RALGAPA1: variants seen among roughly 807,000 people sequenced by gnomAD.
RALGAPA1 encodes Ral GTPase activating protein catalytic subunit alpha 1, also known as ral GTPase-activating protein subunit alpha-1.
RALGAPA1 carries 52 observed loss-of-function variants against 269.6 expected under a neutral mutation model. The observed-to-expected ratio is 0.19, with a 90% confidence interval of 0.15 to 0.24. RALGAPA1 has a LOEUF of 0.24. Ranked by LOEUF, RALGAPA1 falls within the 10% of genes least tolerant of loss-of-function variation. The pLI, the probability that RALGAPA1 is intolerant of heterozygous loss-of-function variation, is 1.00. For missense variants in RALGAPA1, 1,917 were observed against 3,013.9 expected (o/e 0.64, Z 8.52); for synonymous variants, 817 against 1,008.3 (o/e 0.81, Z 3.60).
At chr14:35,635,731 A>G in intron 31 of RALGAPA1, 133 bp from the exon 32 acceptor site, 1 of 683,388 alleles carries the variant, frequency 1.5e-6, no homozygotes, top group East Asian at 3.3e-5. Context: ...ATTAATATTT[A>G]CCCAGATCTA....
intron 33 of RALGAPA1, among the ~76,000 whole-genome samples, chr14:35,629,546 C>T (rs528490102): frequency 6.6e-6 from 1 of 152,108 alleles, no homozygotes; most frequent in Non-Finnish European, 1.5e-5. Flanking sequence ...CTCTGTCTCC[C>T]AGGCTGGAGT....
intron 26 of RALGAPA1, among the ~76,000 whole-genome samples, chr14:35,669,119 T>C (rs2064189257): frequency 6.6e-6 from 1 of 152,218 alleles, no homozygotes; most frequent in Admixed American, 6.5e-5. Flanking sequence ...ATGATATCCC[T>C]AAACAAATAA....
chr14:35,619,933 T>C (rs1264216636), intron 35 of RALGAPA1, among the ~76,000 whole-genome samples: 1 of 152,230 alleles, frequency 6.6e-6, no homozygotes, highest in African/African-American at 2.4e-5. Context: ...AGCCAAATTC[T>C]ACCAGAGGTA....
chr14:35,654,570 T>C (rs552996237), intron 29 of RALGAPA1, 93 bp from the exon 30 acceptor site: 13 of 1,393,632 alleles, frequency 9.3e-6, no homozygotes, highest in Non-Finnish European at 9.5e-6. Flanking sequence ...CATACATTTG[T>C]AGGATTATAA....
At chr14:35,647,144 A>T (rs1217464964) in intron 31 of RALGAPA1, among the ~76,000 whole-genome samples, 1 of 152,224 alleles carries the variant, frequency 6.6e-6, no homozygotes, top group East Asian at 1.9e-4. Flanking sequence ...AGGGATTAAA[A>T]AATATTTATC....
intron 4 of RALGAPA1, among the ~76,000 whole-genome samples, chr14:35,769,035 AATAT>A (rs200538547): frequency 0.12 from 6,917 of 58,224 alleles, 1,056 homozygotes; most frequent in Admixed American, 0.16. Context: ...AAAAAAAAAA[AATAT>A]ATATATATAT....
intron 31 of RALGAPA1, among the ~76,000 whole-genome samples, chr14:35,643,132 T>C (rs1437280832): frequency 6.8e-6 from 1 of 146,012 alleles, no homozygotes; most frequent in African/African-American, 2.6e-5. Flanking sequence ...AATTGAACAA[T>C]GAGAACACTT....
chr14:35,659,520 C>T (rs2140105522), intron 27 of RALGAPA1, among the ~76,000 whole-genome samples: 1 of 152,036 alleles, frequency 6.6e-6, no homozygotes, highest in South Asian at 2.1e-4. Flanking sequence ...ATGGCTTCAC[C>T]AGTGAATTCT....
chr14:35,549,298 A>G, intron 39 of RALGAPA1, 64 bp from the exon 40 acceptor site: 1 of 1,532,242 alleles, frequency 6.5e-7, no homozygotes, highest in Non-Finnish European at 8.9e-7. Flanking sequence ...ATCTTATCAA[A>G]AAGGACTGCT....
intron 31 of RALGAPA1, among the ~76,000 whole-genome samples, chr14:35,641,782 A>G (rs1000638495): frequency 1.3e-5 from 2 of 152,176 alleles, no homozygotes; most frequent in Admixed American, 1.3e-4. Flanking sequence ...AAAGACCCAA[A>G]ACAGTCAAAG....
chr14:35,790,414 G>A (rs775076968), intron 1 of RALGAPA1, among the ~76,000 whole-genome samples: 31 of 151,978 alleles, frequency 2.0e-4, no homozygotes, highest in Non-Finnish European at 4.0e-4. Flanking sequence ...CAGGCCAAGC[G>A]CGGTAGCTCA....
chr14:35,715,605 G>T, intron 16 of RALGAPA1: 2 of 374,054 alleles, frequency 5.3e-6, no homozygotes, highest in Non-Finnish European at 7.4e-6. Context: ...ACTCATATTT[G>T]GTTGATTCTA....
intron 39 of RALGAPA1, among the ~76,000 whole-genome samples, chr14:35,550,420 A>G (rs2054884879): frequency 6.6e-6 from 1 of 152,058 alleles, no homozygotes; most frequent in African/African-American, 2.4e-5. Flanking sequence ...CCACTTTAAT[A>G]TTTTCCCTCA....
At position 35,627,838 on chromosome 14, in the gene RALGAPA1, T is replaced by C; in HGVS notation, c.6109A>G (p.Ser2037Gly). ...TTGTCGTGATTTTCACACACCTGAC[T>C]TGTTAGCATAGCAGGACCACCGCTC... Reference protein sequence around the residue: ...PMSGGPAMLTSQVCENHDNHY... With the variant: ...PMSGGPAMLTGQVCENHDNHY... Residue 2037 changes from serine (S) to glycine (G), a missense_variant, in exon 34 of 42, where the codon AGT (serine) becomes GGT (glycine). Ser to Gly is a moderately conservative substitution (Grantham distance 56, BLOSUM62 0). Around this residue, in one of 11 missense-constraint regions of RALGAPA1, gnomAD observed 346 missense variants for 566.1 expected, o/e 0.61. Coordinates refer to ENST00000680220, the MANE Select transcript of RALGAPA1 (RefSeq NM_001346249.2). 1 of 1,591,954 alleles carries C rather than the reference T, an allele frequency of 6.3e-7. No homozygotes were observed. Among genetic ancestry groups the C allele is most frequent in the East Asian group, 2.2e-5 (1 of 44,784 alleles).
intron 3 of RALGAPA1, among the ~76,000 whole-genome samples, chr14:35,771,689 C>T (rs918850509): frequency 1.3e-5 from 2 of 152,022 alleles, no homozygotes; most frequent in African/African-American, 2.4e-5. Flanking sequence ...GAGACAGAGT[C>T]TTGCTATGTT....
chr14:35,806,759 T>C (rs1322752075), intron 1 of RALGAPA1, among the ~76,000 whole-genome samples: 1 of 152,198 alleles, frequency 6.6e-6, no homozygotes, highest in Non-Finnish European at 1.5e-5. Context: ...GTTTACCTTA[T>C]TTAAAGCCCG....
At chr14:35,629,869 G>T (rs1354822017) in intron 33 of RALGAPA1, among the ~76,000 whole-genome samples, 1 of 151,948 alleles carries the variant, frequency 6.6e-6, no homozygotes, top group Non-Finnish European at 1.5e-5. Flanking sequence ...ATGACTTTTG[G>T]TAATTATATA....
intron 16 of RALGAPA1, among the ~76,000 whole-genome samples, chr14:35,700,512 T>A (rs144908220): frequency 2.0e-5 from 3 of 152,298 alleles, no homozygotes; most frequent in African/African-American, 4.8e-5. Flanking sequence ...ATAATTTTTT[T>A]ATATAAAGCA....
At chr14:35,782,314 A>G (rs2075489146) in intron 1 of RALGAPA1, among the ~76,000 whole-genome samples, 1 of 152,278 alleles carries the variant, frequency 6.6e-6, no homozygotes, top group Non-Finnish European at 1.5e-5. Context: ...ACTGAAAAAA[A>G]TTAAAGACTA....
Sources: gnomAD v4.1 joint callset for allele counts (sites outside exome capture counted in the v4.1 genomes callset) on GRCh38, gnomAD v4.1.1 for gene constraint, gnomAD v4.1.1 regional missense constraint, MANE v1.5 for transcripts, NCBI Gene and HGNC (gene_info 2026-07-23, HGNC 2026-07-21) for gene names.